Variants in ZSCAN5A observed in about 807,000 individuals in gnomAD.
ZSCAN5A encodes the protein zinc finger and SCAN domain-containing protein 5A.
A neutral mutation model predicts 23.7 loss-of-function variants in ZSCAN5A; 12 were observed. That is an observed-to-expected ratio of 0.51 (90% CI 0.32 to 0.82). The LOEUF (loss-of-function observed/expected upper bound fraction) is 0.82, where lower values mean the gene tolerates loss of function less well. ZSCAN5A is among the 40% of genes least tolerant of loss of function. The pLI is 0.03. For missense variants in ZSCAN5A, 597 were observed against 617.9 expected, an observed-to-expected ratio of 0.97 and a Z score of 0.36; for synonymous variants, 257 against 239.9, an observed-to-expected ratio of 1.07 and a Z score of -0.66.
At chr19:56,240,210 A>T (rs1200628688) in intron 2 of ZSCAN5A, among the ~76,000 whole-genome samples, 2 of 152,040 alleles carry the variant, frequency 1.3e-5, no homozygotes, top group Non-Finnish European at 2.9e-5. Flanking sequence ...AAACAAAAAA[A>T]AACTTGTGGA....
At chr19:56,296,101 A>C (rs1385116256) in intron 2 of ZSCAN5A, 1 of 152,364 alleles carries the variant, frequency 6.6e-6, no homozygotes, top group African/African-American at 2.4e-5. Context: ...GTCAACTCAC[A>C]GTCTAGTGGA....
intron 2 of ZSCAN5A, among the ~76,000 whole-genome samples, chr19:56,264,408 T>C (rs1305311969): frequency 6.6e-6 from 1 of 152,204 alleles, no homozygotes; most frequent in African/African-American, 2.4e-5. Context: ...GACCTGTTTG[T>C]TCAGGTCTTC....
chr19:56,325,346 C>T (rs1371059545), intron 2 of ZSCAN5A, among the ~76,000 whole-genome samples: 1 of 152,168 alleles, frequency 6.6e-6, no homozygotes, highest in African/African-American at 2.4e-5. Flanking sequence ...TTCCTAATGT[C>T]CCGCTTTATG....
At chr19:56,259,042 A>G (rs117904444) in intron 2 of ZSCAN5A, among the ~76,000 whole-genome samples, 1 of 152,196 alleles carries the variant, frequency 6.6e-6, no homozygotes, top group Non-Finnish European at 1.5e-5. Context: ...TAGTCAGCAC[A>G]GAAGAGACCC....
At chr19:56,222,510 G>A in intron 5 of ZSCAN5A, 81 bp downstream of exon 5, 1 of 1,568,378 alleles carries the variant, frequency 6.4e-7, no homozygotes, top group Non-Finnish European at 8.6e-7. Context: ...AACTCCCCCA[G>A]GGGATGATAA....
At chr19:56,332,528 C>G (rs1337276180) in intron 2 of ZSCAN5A, among the ~76,000 whole-genome samples, 2 of 152,130 alleles carry the variant, frequency 1.3e-5, no homozygotes, top group African/African-American at 4.8e-5. Flanking sequence ...CAACCTTTTA[C>G]TTTGAGCCGT....
intron 2 of ZSCAN5A, among the ~76,000 whole-genome samples, chr19:56,357,591 A>T (rs2041707154): frequency 1.4e-5 from 2 of 147,896 alleles, no homozygotes. Flanking sequence ...CATGAAAAAA[A>T]ATCAAATTCA....
Position 56,352,002 on chromosome 19 carries a change from C to T in ZSCAN5A, c.-358+11233G>A, listed in dbSNP as rs779821686. Among the ~76,000 whole-genome samples the T allele has an allele frequency of 2.0e-5, 3 of 152,120 alleles. No homozygotes were observed. The highest frequency in any genetic ancestry group is 2.1e-4 in the South Asian group (1 of 4,830). On this transcript the variant is annotated intron_variant, in intron 2 of 6. Coordinates refer to the ZSCAN5A transcript ENST00000587340. The surrounding 1 kb of genome is among the most constrained non-coding windows in gnomAD (Gnocchi z 4.2). ...CAAAGTCAGGTAGGGAAGTGGGACCCGAAACTCAGGAAGGGATGCGGTGAA... is the reference window on the plus strand; with the variant it reads ...CAAAGTCAGGTAGGGAAGTGGGACCTGAAACTCAGGAAGGGATGCGGTGAA...
chr19:56,282,475 G>A, intron 2 of ZSCAN5A: 1 of 985,276 alleles, frequency 1.0e-6, no homozygotes, highest in Non-Finnish European at 1.2e-6. Context: ...CCTTCCTGCT[G>A]CTTGTCTGCC....
intron 2 of ZSCAN5A, among the ~76,000 whole-genome samples, chr19:56,288,533 C>T (rs953257299): frequency 6.6e-6 from 1 of 152,212 alleles, no homozygotes; most frequent in African/African-American, 2.4e-5. Context: ...GATGCTTTTG[C>T]TGTCTGCTTC....
In ZSCAN5A at chr19:56,225,116, A is replaced by C. The variant is rs1250946162; in HGVS notation, c.-70T>G. ...AGTAGCTGGTATCTAATTGATACCT[A>C]TCTACACAGGCTTCCTCTGGTTTTC... On this transcript the variant is annotated 5_prime_UTR_variant, in exon 3 of 6. Coordinates refer to ENST00000683990, the MANE Select transcript of ZSCAN5A (RefSeq NM_001322064.3). 4 of 1,511,892 alleles carry C rather than the reference A, an allele frequency of 2.6e-6. No homozygotes were observed. The highest frequency in any genetic ancestry group is 3.5e-6 in the Non-Finnish European group (4 of 1,138,092). The allele number at this position is 1,511,892 out of a possible 1,614,324, so 93.7% of individuals were successfully genotyped here.
chr19:56,313,836 T>C (rs956804441), intron 1 of ZSCAN5A, among the ~76,000 whole-genome samples: 1 of 152,180 alleles, frequency 6.6e-6, no homozygotes, highest in Non-Finnish European at 1.5e-5. Context: ...TGTCCAGACA[T>C]TCATATCAGA....
chr19:56,288,765 G>C (rs12978406), intron 2 of ZSCAN5A, among the ~76,000 whole-genome samples: 27,733 of 152,162 alleles, frequency 0.18, 2,754 homozygotes, highest in Middle Eastern at 0.25. Flanking sequence ...TCCTCTGACT[G>C]GTCAGGGATG....
intron 2 of ZSCAN5A, chr19:56,310,180 AAGGC>A (rs2040947591): frequency 6.6e-6 from 1 of 152,312 alleles, no homozygotes; most frequent in African/African-American, 2.4e-5. Flanking sequence ...TAGCCTTCAC[AAGGC>A]CTCCATCTCC....
chr19:56,367,365 A>G (rs1436067208), intron 1 of ZSCAN5A: 1 of 152,194 alleles, frequency 6.6e-6, no homozygotes, highest in East Asian at 1.9e-4. Context: ...CTGTTTCTTA[A>G]CAAAACAAAA....
chr19:56,315,273 G>A (rs1284762103), upstream of ZSCAN5A: 1 of 152,218 alleles, frequency 6.6e-6, no homozygotes. Flanking sequence ...AGTTGCACAC[G>A]CGCATTGAGG....
chr19:56,244,206 A>C (rs1426882362), intron 2 of ZSCAN5A: 4 of 1,608,808 alleles, frequency 2.5e-6, no homozygotes, highest in Non-Finnish European at 1.7e-6. Context: ...TGCCCAGAGG[A>C]GTCGGACCCC....
At chr19:56,223,069 C>T (rs1865985979) in intron 4 of ZSCAN5A, among the ~76,000 whole-genome samples, 1 of 152,182 alleles carries the variant, frequency 6.6e-6, no homozygotes, top group African/African-American at 2.4e-5. Context: ...GTCGAGGCCC[C>T]TCAGCTGTGG....
Position 56,314,735 on chromosome 19 carries a change from C to A in ZSCAN5A, c.-284G>T, listed in dbSNP as rs1365926040. ...CTACTAGTGACGGTCAAGCCACCTACAACCGGTCCCAAAGCCGCAAACGAG... is the reference window on the plus strand; with the variant it reads ...CTACTAGTGACGGTCAAGCCACCTAAAACCGGTCCCAAAGCCGCAAACGAG... On this transcript the variant is annotated 5_prime_UTR_variant, in exon 1 of 6. Transcript: ENST00000683990. 1 of 152,326 alleles carries A rather than the reference C, an allele frequency of 6.6e-6. No individual in the cohort carries two copies. The highest frequency in any genetic ancestry group is 1.9e-4 in the East Asian group (1 of 5,200). The allele number at this position is 152,326 out of a possible 1,614,324, so 9.4% of individuals were successfully genotyped here.
Sources: gnomAD v4.1 joint callset for allele counts (sites outside exome capture counted in the v4.1 genomes callset) on GRCh38, gnomAD v4.1.1 for gene constraint, Gnocchi (gnomAD v3.1) non-coding constraint, MANE v1.5 for transcripts, NCBI Gene and HGNC (gene_info 2026-07-23, HGNC 2026-07-21) for gene names.